Variants in TOP1 observed in about 807,000 individuals in gnomAD.
TOP1 encodes DNA topoisomerase 1.
A neutral mutation model predicts 111.1 loss-of-function variants in TOP1; 10 were observed. That is an observed-to-expected ratio of 0.09 (90% CI 0.06 to 0.15). TOP1 has a LOEUF of 0.15. TOP1 is among the 10% of genes least tolerant of loss of function. The pLI is 1.00. For synonymous variants in TOP1, 271 were observed against 302.9 expected (o/e 0.89, Z 1.10); for missense variants, 474 against 926.7 (o/e 0.51, Z 6.34).
At chr20:41,037,166 G>C (rs1042258009) in intron 2 of TOP1, among the ~76,000 whole-genome samples, 3 of 152,080 alleles carry the variant, frequency 2.0e-5, no homozygotes, top group Non-Finnish European at 4.4e-5. Context: ...ACAGCAAAGT[G>C]GTCATTGCCA....
At chr20:41,120,773 G>A (rs8117443) in intron 18 of TOP1, among the ~76,000 whole-genome samples, 256 of 152,164 alleles carry the variant, frequency 1.7e-3, no homozygotes, top group African/African-American at 5.8e-3. Context: ...ACGGAGTCTC[G>A]CTCTGTTGCC....
chr20:41,042,924 A>C (rs1477813708), intron 2 of TOP1, among the ~76,000 whole-genome samples: 5 of 152,258 alleles, frequency 3.3e-5, no homozygotes, highest in African/African-American at 7.2e-5. Flanking sequence ...GGATCATCAT[A>C]AAAGCCTTCA....
Position 41,061,591 on chromosome 20 carries a change from G to C in TOP1, c.155+101G>C, listed in dbSNP as rs937066201. On this transcript the variant is annotated intron_variant, in intron 3 of 20. Coordinates refer to ENST00000361337, the MANE Select transcript of TOP1 (RefSeq NM_003286.4). This position sits in a 1 kb window ranked among gnomAD's most constrained non-coding sequence, Gnocchi z 4.6. ...TTAACTTGAGCTACATGTAAAGATAGCAAAGTAAGTAGAAACTGTATTTGA... is the reference window on the plus strand; with the variant it reads ...TTAACTTGAGCTACATGTAAAGATACCAAAGTAAGTAGAAACTGTATTTGA... 9.0e-6 allele frequency: 9 copies of C among 999,418 alleles called. No homozygotes were observed. The African/African-American group carries it at 1.3e-4, about 14-fold the overall frequency. 61.9% of individuals were successfully genotyped at this position (999,418 alleles called of 1,614,324 possible).
chr20:41,103,011 C>T (rs116533735), intron 13 of TOP1, among the ~76,000 whole-genome samples: 461 of 152,116 alleles, frequency 3.0e-3, no homozygotes, highest in African/African-American at 0.01. Flanking sequence ...GGGTGGTAAG[C>T]AGAGTATGTT....
intron 8 of TOP1, among the ~76,000 whole-genome samples, 182 bp downstream of exon 8, chr20:41,084,750 A>T (rs935387592): frequency 1.3e-5 from 2 of 152,230 alleles, no homozygotes; most frequent in African/African-American, 4.8e-5. Flanking sequence ...ACTGGTTCTA[A>T]ATCTATTGGA....
chr20:41,073,925 T>A (rs2033696104), intron 3 of TOP1, among the ~76,000 whole-genome samples: 2 of 152,240 alleles, frequency 1.3e-5, no homozygotes, highest in Admixed American at 1.3e-4. Flanking sequence ...TGTTTTGCTT[T>A]TAGGCAAAAC....
At position 41,121,787 on chromosome 20, in the gene TOP1, A is replaced by G; in HGVS notation, c.2042A>G (p.Lys681Arg). The G allele has an allele frequency of 6.2e-7, 1 of 1,613,946 alleles. No individual in the cohort carries two copies. Among genetic ancestry groups the G allele is most frequent in the Non-Finnish European group, 8.5e-7 (1 of 1,179,762 alleles). The change falls in exon 19 of 21, where the codon AAG (lysine) becomes AGG (arginine). Residue 681 changes from lysine (K) to arginine (R), a missense_variant. Lys to Arg is a conservative substitution (Grantham distance 26). Coordinates refer to ENST00000361337, the MANE Select transcript of TOP1 (RefSeq NM_003286.4). This position sits in a 1 kb window ranked among gnomAD's most constrained non-coding sequence, Gnocchi z 4.2. ...DAKVMKDAKTKKVVESKKKAV... is the reference protein window; with the variant it reads ...DAKVMKDAKTRKVVESKKKAV... The stretch of plus-strand genomic sequence containing the variant: ...AAGGTCATGAAGGATGCAAAGACGA[A>G]GAAGTATGTACCTGGTATTGTGAAA...
At chr20:41,035,391 T>C (rs1285774398) in intron 2 of TOP1, among the ~76,000 whole-genome samples, 1 of 152,222 alleles carries the variant, frequency 6.6e-6, no homozygotes, top group East Asian at 1.9e-4. Flanking sequence ...ATTAACATTT[T>C]TGTTTCTGTG....
Position 41,068,034 on chromosome 20 carries a change from C to T in TOP1, c.155+6544C>T, listed in dbSNP as rs139683847. ...ATGTGAGACCAAGGATCCTGAGTCC[C>T]CACTACATTATTCCTTCCAGTGAAA... On this transcript the variant is annotated intron_variant, in intron 3 of 20. Coordinates refer to ENST00000361337, the MANE Select transcript of TOP1 (RefSeq NM_003286.4). Among the ~76,000 whole-genome samples, 1,290 of 152,248 alleles carry T rather than the reference C, an allele frequency of 8.5e-3. 8 individuals carry two copies. Among genetic ancestry groups the T allele is most frequent in the Middle Eastern group, 0.017 (5 of 294 alleles).
In TOP1 at chr20:41,036,349, T is replaced by C. The variant is rs1429237293; in HGVS notation, c.58+6894T>C. On this transcript the variant is annotated intron_variant, in intron 2 of 20. Coordinates refer to ENST00000361337, the MANE Select transcript of TOP1 (RefSeq NM_003286.4). ...GTGTGAGGAGACAGCTGTGGTAAAA[T>C]AGAAAATTGGTGTAGGATTCCGAAA... Among the ~76,000 whole-genome samples, 8 of 152,186 alleles carry C rather than the reference T, an allele frequency of 5.3e-5. No individual in the cohort carries two copies. In the East Asian group the frequency reaches 1.4e-3, roughly 26 times the overall value.
At chr20:41,052,448 A>G (rs1225502057) in intron 2 of TOP1, among the ~76,000 whole-genome samples, 1 of 152,140 alleles carries the variant, frequency 6.6e-6, no homozygotes, top group East Asian at 1.9e-4. Context: ...TTTATCTTAT[A>G]TATGCCTGAT....
intron 2 of TOP1, among the ~76,000 whole-genome samples, chr20:41,043,041 A>ACTTATTG (rs1408810214): frequency 6.6e-6 from 1 of 152,212 alleles, no homozygotes; most frequent in Non-Finnish European, 1.5e-5. Flanking sequence ...GGACTCAAGC[A>ACTTATTG]TTTCAAACAC....
rs568943264 is a variant in TOP1, at chr20:41,072,917, T to G, written c.156-3254T>G. On this transcript the variant is annotated intron_variant, in intron 3 of 20. Transcript: ENST00000361337. The stretch of plus-strand genomic sequence containing the variant: ...CAGTTAGGAGTAGAGGAGACTTGGC[T>G]TCCTTTGGAAAGTCAGGATGATAGC... 39 of 985,482 alleles carry G rather than the reference T, an allele frequency of 4.0e-5. No individual in the cohort carries two copies. The South Asian group carries it at 1.4e-3, about 36-fold the overall frequency. 61.0% of individuals were successfully genotyped at this position (985,482 alleles called of 1,614,324 possible).
At position 41,034,628 on chromosome 20, in the gene TOP1, T is replaced by C. The variant is rs2033162212; in HGVS notation, c.58+5173T>C. Among the ~76,000 whole-genome samples, 1 of 152,180 alleles carries C rather than the reference T, an allele frequency of 6.6e-6. No individual in the cohort carries two copies. The highest frequency in any genetic ancestry group is 2.1e-4 in the South Asian group (1 of 4,832). On this transcript the variant is annotated intron_variant, in intron 2 of 20. Transcript: ENST00000361337. The surrounding 1 kb of genome is among the most constrained non-coding windows in gnomAD (Gnocchi z 4.0). ...CTGATAGTTTGCTGAAATGATTTAA[T>C]AGTAAATAGATATTGTTGAACATTT...
At chr20:41,111,425 G>A (rs935960290) in intron 13 of TOP1, among the ~76,000 whole-genome samples, 12 of 152,184 alleles carry the variant, frequency 7.9e-5, no homozygotes, top group Non-Finnish European at 1.6e-4. Context: ...AGCCAAACAA[G>A]TGCATAACAC....
chr20:41,057,741 T>C (rs750261557), intron 2 of TOP1, among the ~76,000 whole-genome samples: 3 of 152,210 alleles, frequency 2.0e-5, no homozygotes, highest in Admixed American at 6.5e-5. Context: ...AGTAGTTTTT[T>C]TTAATGTGAT....
chr20:41,072,437 G>C, intron 3 of TOP1: 1 of 985,402 alleles, frequency 1.0e-6, no homozygotes, highest in Non-Finnish European at 1.2e-6. Flanking sequence ...AGACATACAT[G>C]TTAGAAAATC....
Position 41,032,399 on chromosome 20 carries a change from A to G in TOP1, c.58+2944A>G, listed in dbSNP as rs973263314. Among the ~76,000 whole-genome samples the G allele has an allele frequency of 6.6e-6, 1 of 152,238 alleles. No homozygotes were observed. Among genetic ancestry groups the G allele is most frequent in the African/African-American group, 2.4e-5 (1 of 41,460 alleles). On this transcript the variant is annotated intron_variant, in intron 2 of 20. Transcript: ENST00000361337. The surrounding 1 kb of genome is among the most constrained non-coding windows in gnomAD (Gnocchi z 4.3). ...GAGTTAGGAATTTGGAGCAGAAACCATATCTAAGTCTAAGTGAAAAGACTT... is the reference window on the plus strand; with the variant it reads ...GAGTTAGGAATTTGGAGCAGAAACCGTATCTAAGTCTAAGTGAAAAGACTT...
At position 41,121,785 on chromosome 20, in the gene TOP1, G is replaced by A. The variant is rs550250396; in HGVS notation, c.2040G>A (p.Thr680=). Residue 680 remains threonine (T), a synonymous_variant, in exon 19 of 21, where the codon ACG becomes ACA. Coordinates refer to ENST00000361337, the MANE Select transcript of TOP1 (RefSeq NM_003286.4). The surrounding 1 kb of genome is among the most constrained non-coding windows in gnomAD (Gnocchi z 4.2). ...CCAAGGTCATGAAGGATGCAAAGACGAAGAAGTATGTACCTGGTATTGTGA... is the reference window on the plus strand; with the variant it reads ...CCAAGGTCATGAAGGATGCAAAGACAAAGAAGTATGTACCTGGTATTGTGA... ...ADAKVMKDAK[T]KKVVESKKKA... The A allele has an allele frequency of 1.9e-4, 308 of 1,613,916 alleles. 3 individuals carry two copies. The South Asian group carries it at 2.7e-3, about 14-fold the overall frequency.
Sources: allele counts gnomAD v4.1 joint callset (sites outside exome capture counted in the v4.1 genomes callset), GRCh38; gene constraint gnomAD v4.1.1; non-coding constraint Gnocchi (gnomAD v3.1); transcripts MANE v1.5; gene names NCBI Gene and HGNC (gene_info 2026-07-23, HGNC 2026-07-21).